The following PARD3B variants were observed in gnomAD, a reference collection of about 807,000 sequenced individuals.
PARD3B encodes partitioning defective 3 homolog B.
Under a neutral mutation model 130.2 loss-of-function variants are expected in PARD3B, and 103 were observed. The observed-to-expected ratio is 0.79, with a 90% CI of 0.67 to 0.93. The LOEUF (loss-of-function observed/expected upper bound fraction) is 0.93, where lower values mean the gene tolerates loss of function less well. Ranked by LOEUF, PARD3B falls within the 40% of genes least tolerant of loss-of-function variation. PARD3B has a pLI of 0.00. For synonymous variants in PARD3B, 583 were observed against 553.2 expected (o/e 1.05, Z -0.76); for missense variants, 1,609 against 1,499.2 (o/e 1.07, Z -1.21).
intron 14 of PARD3B, among the ~76,000 whole-genome samples, chr2:205,191,864 G>C (rs2036417114): frequency 6.6e-6 from 1 of 152,028 alleles, no homozygotes; most frequent in Non-Finnish European, 1.5e-5. Flanking sequence ...TTCTGGGGGA[G>C]GGTGGAGGAG....
At chr2:205,574,350 T>C (rs1209669215) in intron 22 of PARD3B, among the ~76,000 whole-genome samples, 4 of 152,200 alleles carry the variant, frequency 2.6e-5, no homozygotes, top group Non-Finnish European at 2.9e-5. Flanking sequence ...CTGGTGCCAG[T>C]TGCATCATGG....
At chr2:205,349,820 T>TAA (rs55951548) in intron 18 of PARD3B, among the ~76,000 whole-genome samples, 257 of 139,572 alleles carry the variant, frequency 1.8e-3, no homozygotes, top group African/African-American at 6.7e-3. Flanking sequence ...TTTTTTTTTT[T>TAA]AAAAAAAGAG....
chr2:205,206,221 T>TTTCC (rs1450609764), intron 15 of PARD3B, among the ~76,000 whole-genome samples: 1 of 151,332 alleles, frequency 6.6e-6, no homozygotes, highest in Non-Finnish European at 1.5e-5. Flanking sequence ...TTTTTCTTTT[T>TTTCC]TTTTTTTATT....
chr2:205,189,839 G>T (rs10169906), intron 14 of PARD3B, among the ~76,000 whole-genome samples: 1 of 151,332 alleles, frequency 6.6e-6, no homozygotes, highest in African/African-American at 2.4e-5. Flanking sequence ...AGCCTTATTT[G>T]CCTTATTTCC....
chr2:205,194,870 GC>G lies in PARD3B; in HGVS notation c.2140+1555del, dbSNP rs1263798158. 3.3e-5 allele frequency among the ~76,000 whole-genome samples: 5 copies of G among 151,274 alleles called. No homozygotes were observed. The East Asian group carries it at 9.7e-4, about 29-fold the overall frequency. On this transcript the variant is annotated intron_variant, in intron 15 of 22. Coordinates refer to ENST00000406610, the MANE Select transcript of PARD3B (RefSeq NM_001302769.2). Reference sequence around the variant, plus strand: ...GCGATCTCGGCTCACTGCAACCTCCGCCCCCTGGGTTCAAGTGATTCTCCTA... The same window carrying G: ...GCGATCTCGGCTCACTGCAACCTCCGCCCCTGGGTTCAAGTGATTCTCCTA...
intron 6 of PARD3B, among the ~76,000 whole-genome samples, chr2:205,114,667 G>A (rs913527599): frequency 4.0e-5 from 6 of 151,666 alleles, no homozygotes; most frequent in Admixed American, 6.6e-5. Flanking sequence ...GCCCTATAGC[G>A]AAAAGAACAG....
chr2:204,993,935 T>C (rs1693930743), intron 3 of PARD3B, among the ~76,000 whole-genome samples: 1 of 152,024 alleles, frequency 6.6e-6, no homozygotes, highest in East Asian at 1.9e-4. Flanking sequence ...ATCCCCTTTA[T>C]CATTTTTTAT....
At chr2:205,536,639 C>T (rs192898150) in intron 21 of PARD3B, among the ~76,000 whole-genome samples, 6 of 152,268 alleles carry the variant, frequency 3.9e-5, no homozygotes, top group Admixed American at 3.3e-4. Context: ...GGAAGATACT[C>T]GGAGAGACCT....
intron 18 of PARD3B, among the ~76,000 whole-genome samples, chr2:205,355,951 T>A (rs1283674874): frequency 6.6e-6 from 1 of 152,150 alleles, no homozygotes; most frequent in Non-Finnish European, 1.5e-5. Flanking sequence ...GCCCCCATGA[T>A]CCAATTACCT....
intron 22 of PARD3B, among the ~76,000 whole-genome samples, chr2:205,581,286 A>G (rs1386507901): frequency 6.9e-5 from 7 of 101,426 alleles, no homozygotes; most frequent in Non-Finnish European, 1.6e-4. Flanking sequence ...ATATAGATAT[A>G]TAGATAGATA....
At chr2:205,218,536 T>A (rs577403878) in intron 15 of PARD3B, among the ~76,000 whole-genome samples, 3 of 152,252 alleles carry the variant, frequency 2.0e-5, no homozygotes, top group South Asian at 4.1e-4. Flanking sequence ...TGCAGAGAGA[T>A]TGCTAAAAAA....
intron 2 of PARD3B, among the ~76,000 whole-genome samples, chr2:204,880,155 T>G (rs932593448): frequency 6.6e-6 from 1 of 152,178 alleles, no homozygotes; most frequent in Non-Finnish European, 1.5e-5. Context: ...TCCTGATACA[T>G]GAAAATTGCT....
At chr2:205,403,164 AT>A (rs773279267) in intron 19 of PARD3B, among the ~76,000 whole-genome samples, 1 of 152,328 alleles carries the variant, frequency 6.6e-6, no homozygotes, top group South Asian at 2.1e-4. Context: ...TATGTTTGAA[AT>A]TTGTTTCTTT....
intron 18 of PARD3B, among the ~76,000 whole-genome samples, chr2:205,396,576 CT>C (rs775444790): frequency 1.3e-5 from 2 of 152,092 alleles, no homozygotes; most frequent in Non-Finnish European, 2.9e-5. Context: ...GATTTTTCCA[CT>C]TTACAAAAAA....
intron 21 of PARD3B, among the ~76,000 whole-genome samples, chr2:205,506,098 G>A (rs1381940055): frequency 6.6e-6 from 1 of 152,182 alleles, no homozygotes; most frequent in Non-Finnish European, 1.5e-5. Flanking sequence ...ACTTTGGGAG[G>A]CTGAGGAAGG....
intron 10 of PARD3B, among the ~76,000 whole-genome samples, chr2:205,136,485 TC>T (rs1237589931): frequency 1.3e-5 from 2 of 152,184 alleles, no homozygotes; most frequent in Non-Finnish European, 2.9e-5. Context: ...TATGCATTCG[TC>T]CCATAAATAT....
At chr2:205,498,289 G>A (rs1347511140) in intron 20 of PARD3B, among the ~76,000 whole-genome samples, 2 of 151,264 alleles carry the variant, frequency 1.3e-5, no homozygotes, top group African/African-American at 4.9e-5. Flanking sequence ...ATCACCTGAG[G>A]TCAGGAGTTC....
chr2:204,568,085 C>T (rs2031783066), intron 1 of PARD3B, among the ~76,000 whole-genome samples: 2 of 152,060 alleles, frequency 1.3e-5, no homozygotes, highest in Admixed American at 6.5e-5. Context: ...ATCAAAAGGG[C>T]AAATAACCTT....
chr2:204,776,137 C>T (rs1204300585), intron 2 of PARD3B, among the ~76,000 whole-genome samples: 1 of 152,066 alleles, frequency 6.6e-6, no homozygotes, highest in African/African-American at 2.4e-5. Flanking sequence ...TTGACCTTTT[C>T]TTTAAGGAAT....
Sources: gnomAD v4.1 joint callset for allele counts (sites outside exome capture counted in the v4.1 genomes callset) on GRCh38, gnomAD v4.1.1 for gene constraint, MANE v1.5 for transcripts, NCBI Gene and HGNC (gene_info 2026-07-23, HGNC 2026-07-21) for gene names.